GXYLT1: variants seen among roughly 807,000 people sequenced by gnomAD.
The protein encoded by GXYLT1 is glycosyltransferase 8 domain containing 3.
In GXYLT1, 29 loss-of-function variants were observed where a neutral mutation model predicts 54.0. The ratio of observed to expected loss-of-function variants is 0.54; its 90% CI spans 0.40 to 0.73. The LOEUF is 0.73. Ranked by LOEUF, GXYLT1 falls within the 30% of genes least tolerant of loss-of-function variation. The pLI, the probability that GXYLT1 is intolerant of heterozygous loss-of-function variation, is 0.00. For synonymous variants in GXYLT1, 176 were observed against 204.1 expected, an observed-to-expected ratio of 0.86 and a Z score of 1.17; for missense variants, 490 against 553.4, an observed-to-expected ratio of 0.89 and a Z score of 1.15.
At chr12:42,093,172 A>G (rs2065338092) in intron 7 of GXYLT1, among the ~76,000 whole-genome samples, 1 of 152,204 alleles carries the variant, frequency 6.6e-6, no homozygotes, top group Non-Finnish European at 1.5e-5. Context: ...ATCCTGGCTC[A>G]CTGAAACCTC....
At chr12:42,122,355 C>T (rs1477417163) in intron 2 of GXYLT1, among the ~76,000 whole-genome samples, 2 of 151,910 alleles carry the variant, frequency 1.3e-5, no homozygotes, top group Non-Finnish European at 2.9e-5. Flanking sequence ...TTTGGGAGGC[C>T]GAGGTGGGTG....
In GXYLT1 at chr12:42,109,668, T is replaced by A; in HGVS notation, c.510A>T (p.Gln170His). 1 of 1,537,938 alleles carries A rather than the reference T, an allele frequency of 6.5e-7. No individual in the cohort carries two copies. The highest frequency in any genetic ancestry group is 8.8e-7 in the Non-Finnish European group (1 of 1,130,862). Residue 170 changes from glutamine (Q) to histidine (H), a missense_variant, in exon 4 of 8, where the codon CAA (glutamine) becomes CAT (histidine). By Grantham distance (24) the Gln-to-His change is conservative. Around this residue, in one of 2 missense-constraint regions of GXYLT1, gnomAD observed 342 missense variants for 342.6 expected, o/e 1.00. Coordinates refer to ENST00000398675, the MANE Select transcript of GXYLT1 (RefSeq NM_173601.2). ...TGGGGTATAACGTATAATTAAATGTTTGTAGAAATGACCAGTTGTCAAGCT... is the reference window on the plus strand; with the variant it reads ...TGGGGTATAACGTATAATTAAATGTATGTAGAAATGACCAGTTGTCAAGCT... The part of the protein sequence containing the change: ...KGRLDNWSFL[Q>H]TFNYTLYPIT...
intron 2 of GXYLT1, among the ~76,000 whole-genome samples, chr12:42,125,086 A>G (rs1042451376): frequency 1.3e-5 from 2 of 152,236 alleles, no homozygotes; most frequent in African/African-American, 4.8e-5. Flanking sequence ...AAGAGGAGAC[A>G]GAGAAGGGAG....
intron 7 of GXYLT1, among the ~76,000 whole-genome samples, chr12:42,096,666 G>A (rs970900872): frequency 2.0e-5 from 3 of 152,060 alleles, no homozygotes; most frequent in Non-Finnish European, 4.4e-5. Context: ...GATTGTTTTG[G>A]GCAAGAACCA....
chr12:42,125,566 A>G (rs2065555877), intron 2 of GXYLT1, among the ~76,000 whole-genome samples: 1 of 152,220 alleles, frequency 6.6e-6, no homozygotes. Flanking sequence ...CAAAAGCCAG[A>G]GGCTAACAGA....
Position 42,119,182 on chromosome 12 carries a change from A to G in GXYLT1, c.315-11T>C, listed in dbSNP as rs1325609240. 2.0e-6 allele frequency: 3 copies of G among 1,483,074 alleles called. No individual in the cohort carries two copies. Among genetic ancestry groups the G allele is most frequent in the African/African-American group, 2.9e-5 (2 of 69,398 alleles). The allele number at this position is 1,483,074 out of a possible 1,614,324, so 91.9% of individuals were successfully genotyped here. ...ATTTTCAGACTGTACCTAATAGGAA[A>G]GAAAACCACATTTTTCAACAGTTTT... On this transcript the variant is annotated splice_polypyrimidine_tract_variant and intron_variant, in intron 2 of 7. Transcript: ENST00000398675.
chr12:42,117,314 A>G (rs1034646866), intron 3 of GXYLT1, among the ~76,000 whole-genome samples: 2 of 152,070 alleles, frequency 1.3e-5, no homozygotes, highest in African/African-American at 4.8e-5. Flanking sequence ...AGGTAAAGAG[A>G]TCAAGATCAT....
chr12:42,133,972 G>A (rs1249794019), intron 1 of GXYLT1, among the ~76,000 whole-genome samples: 2 of 152,050 alleles, frequency 1.3e-5, no homozygotes, highest in Admixed American at 6.6e-5. Flanking sequence ...CGACGTGGGT[G>A]GATCGCTTGA....
chr12:42,104,826 G>A (rs1364669960), intron 5 of GXYLT1, among the ~76,000 whole-genome samples: 1 of 152,102 alleles, frequency 6.6e-6, no homozygotes, highest in Non-Finnish European at 1.5e-5. Flanking sequence ...CAAAAGACAT[G>A]ATATCCCTTA....
chr12:42,144,281 G>C (rs1424392847), intron 1 of GXYLT1, 145 bp downstream of exon 1: 1 of 428,764 alleles, frequency 2.3e-6, no homozygotes, highest in East Asian at 5.5e-5. Flanking sequence ...CGGCCGGAGG[G>C]GAAGGAGGGA....
intron 3 of GXYLT1, among the ~76,000 whole-genome samples, chr12:42,118,543 A>T (rs1453281318): frequency 1.3e-5 from 2 of 152,226 alleles, no homozygotes; most frequent in South Asian, 2.1e-4. Context: ...TACAGAATAA[A>T]TATTTTTGTG....
At chr12:42,121,563 G>A (rs533625531) in intron 2 of GXYLT1, among the ~76,000 whole-genome samples, 5 of 152,068 alleles carry the variant, frequency 3.3e-5, no homozygotes, top group Admixed American at 1.3e-4. Flanking sequence ...CCAGGAGTCC[G>A]ACGTTGCAGT....
chr12:42,096,399 G>T (rs2065355786), intron 7 of GXYLT1, among the ~76,000 whole-genome samples: 1 of 152,106 alleles, frequency 6.6e-6, no homozygotes, highest in Non-Finnish European at 1.5e-5. Flanking sequence ...ACATGTCAAA[G>T]GGACACAAGA....
chr12:42,120,099 A>G (rs1276449023), intron 2 of GXYLT1, among the ~76,000 whole-genome samples: 6 of 152,204 alleles, frequency 3.9e-5, no homozygotes, highest in African/African-American at 1.2e-4. Context: ...ATAGATTTGA[A>G]GGTCTTTCAT....
In GXYLT1 at chr12:42,144,693, GA is replaced by G. The variant is rs1565585118; in HGVS notation, c.-48del. 12 of 1,104,790 alleles carry G rather than the reference GA, an allele frequency of 1.1e-5. No individual in the cohort carries two copies. Among genetic ancestry groups the G allele is most frequent in the South Asian group, 4.9e-5 (3 of 61,260 alleles). 68.4% of individuals were successfully genotyped at this position (1,104,790 alleles called of 1,614,324 possible). ...TCGCCGCCGCCGCCGCGCCCGCCCC[GA>G]CGAACTGGAGCGGAGGGAGGGGCAC... On this transcript the variant is annotated 5_prime_UTR_variant, in exon 1 of 8. Transcript: ENST00000398675.
At chr12:42,096,635 A>G (rs1191707125) in intron 7 of GXYLT1, among the ~76,000 whole-genome samples, 2 of 152,180 alleles carry the variant, frequency 1.3e-5, no homozygotes, top group African/African-American at 4.8e-5. Flanking sequence ...ACAATCATCA[A>G]TTTGCAAATA....
intron 4 of GXYLT1, among the ~76,000 whole-genome samples, chr12:42,106,315 T>C (rs973933527): frequency 2.0e-5 from 3 of 152,070 alleles, no homozygotes; most frequent in Non-Finnish European, 4.4e-5. Context: ...ATTATAAAAA[T>C]TGAGAGAATA....
At chr12:42,111,197 C>T (rs891592783) in intron 3 of GXYLT1, among the ~76,000 whole-genome samples, 2 of 152,346 alleles carry the variant, frequency 1.3e-5, no homozygotes, top group East Asian at 1.9e-4. Flanking sequence ...CAGCTCCCAG[C>T]GTCAGCAACG....
intron 3 of GXYLT1, among the ~76,000 whole-genome samples, chr12:42,111,349 G>A (rs2065454405): frequency 6.6e-6 from 1 of 152,252 alleles, no homozygotes; most frequent in Non-Finnish European, 1.5e-5. Context: ...CACCCGGGAA[G>A]AGCAAGGGGT....
Sources: allele counts gnomAD v4.1 joint callset (sites outside exome capture counted in the v4.1 genomes callset), GRCh38; gene constraint gnomAD v4.1.1; regional missense constraint gnomAD v4.1.1; transcripts MANE v1.5; gene names NCBI Gene and HGNC (gene_info 2026-07-23, HGNC 2026-07-21).